The following LRP6 variants were observed in gnomAD, a reference collection of about 807,000 sequenced individuals.
LRP6 encodes low-density lipoprotein receptor-related protein 6.
Under a neutral mutation model 184.1 loss-of-function variants are expected in LRP6, and 43 were observed. The ratio of observed to expected loss-of-function variants is 0.23; its 90% confidence interval spans 0.18 to 0.30. The LOEUF is 0.30. Ranked by LOEUF, LRP6 falls within the 10% of genes least tolerant of loss-of-function variation. The pLI is 1.00. For missense variants in LRP6, 1,571 were observed against 2,005.3 expected (o/e 0.78, Z 4.14); for synonymous variants, 719 against 684.9 (o/e 1.05, Z -0.78).
At chr12:12,185,724 C>T (rs1309548719) in intron 4 of LRP6, among the ~76,000 whole-genome samples, 1 of 151,930 alleles carries the variant, frequency 6.6e-6, no homozygotes, top group Non-Finnish European at 1.5e-5. Flanking sequence ...GGGAGGGGTA[C>T]ACAGAAAAGT....
intron 4 of LRP6, 131 bp downstream of exon 4, chr12:12,186,792 T>C: frequency 2.4e-6 from 2 of 850,082 alleles, no homozygotes; most frequent in Non-Finnish European, 3.9e-6. Context: ...CCAAGTAGGA[T>C]TTTAACTCTT....
chr12:12,157,076 G>A (rs116056268), intron 12 of LRP6, among the ~76,000 whole-genome samples: 285 of 152,366 alleles, frequency 1.9e-3, no homozygotes, highest in African/African-American at 6.7e-3. Flanking sequence ...AAGCCTATGA[G>A]AGAAAGCTGC....
At chr12:12,239,995 A>T (rs1262139370) in intron 2 of LRP6, among the ~76,000 whole-genome samples, 2 of 121,730 alleles carry the variant, frequency 1.6e-5, no homozygotes, top group Non-Finnish European at 3.5e-5. Flanking sequence ...TTAAGATATT[A>T]AAAAAAAAAA....
chr12:12,169,499 G>A (rs117035989), intron 7 of LRP6, among the ~76,000 whole-genome samples: 283 of 152,202 alleles, frequency 1.9e-3, no homozygotes, highest in Middle Eastern at 3.4e-3. Flanking sequence ...AGGGTCTCAG[G>A]AAGAAGAGAG....
Position 12,173,062 on chromosome 12 carries a change from T to C in LRP6, c.1545+6748A>G, listed in dbSNP as rs774113571. ...TTGAATATTAAAGATTTGCAATTACTATGCTCTTTTTCTGTTAGAGCTAAA... is the reference window on the plus strand; with the variant it reads ...TTGAATATTAAAGATTTGCAATTACCATGCTCTTTTTCTGTTAGAGCTAAA... On this transcript the variant is annotated intron_variant, in intron 7 of 22. Coordinates refer to ENST00000261349, the MANE Select transcript of LRP6 (RefSeq NM_002336.3). Among the ~76,000 whole-genome samples, 80 of 152,236 alleles carry C rather than the reference T, an allele frequency of 5.3e-4. 1 individual carries two copies. Among genetic ancestry groups the C allele is most frequent in the Non-Finnish European group, 1.0e-3 (68 of 68,034 alleles).
At chr12:12,129,147 C>T (rs1337647800) in intron 19 of LRP6, among the ~76,000 whole-genome samples, 9 of 152,186 alleles carry the variant, frequency 5.9e-5, no homozygotes, top group Admixed American at 5.2e-4. Context: ...GAGCTCACAT[C>T]TCTGTATTCC....
At chr12:12,246,469 T>C (rs975907147) in intron 1 of LRP6, among the ~76,000 whole-genome samples, 3 of 151,900 alleles carry the variant, frequency 2.0e-5, no homozygotes, top group Middle Eastern at 3.4e-3. Flanking sequence ...TCCCAGCACT[T>C]TGGTTAAGCC....
chr12:12,147,199 GTTGACAGTTGAAGAAAAAGCTC>G (rs1455688094), intron 15 of LRP6, among the ~76,000 whole-genome samples, 145 bp downstream of exon 15: 3 of 152,150 alleles, frequency 2.0e-5, no homozygotes, highest in Non-Finnish European at 4.4e-5. Context: ...GAGTAATCAT[GTTGACAGTTGAAGAAAAAGCTC>G]TTCACCAACC....
chr12:12,168,173 A>G (rs150074177), intron 7 of LRP6, among the ~76,000 whole-genome samples: 221 of 152,318 alleles, frequency 1.5e-3, no homozygotes, highest in African/African-American at 5.1e-3. Flanking sequence ...GCAAACCACC[A>G]TGATAGACCT....
In LRP6 at chr12:12,152,974, A is replaced by C. The variant is rs570525680; in HGVS notation, c.2792-1936T>G. 1.2e-4 allele frequency among the ~76,000 whole-genome samples: 18 copies of C among 152,332 alleles called. No individual in the cohort carries two copies. In the East Asian group the frequency reaches 3.5e-3, roughly 29 times the overall value. On this transcript the variant is annotated intron_variant, in intron 12 of 22. Coordinates refer to ENST00000261349, the MANE Select transcript of LRP6 (RefSeq NM_002336.3). ...CCCACACTCAGCTTGGAAGATTTAGAAAGTTATCCCAATGATCCTACTACA... is the reference window on the plus strand; with the variant it reads ...CCCACACTCAGCTTGGAAGATTTAGCAAGTTATCCCAATGATCCTACTACA...
chr12:12,125,420 C>A lies in LRP6; in HGVS notation c.4325G>T (p.Gly1442Val). The change falls in exon 21 of 23, where the codon GGT becomes GTT. Residue 1442 changes from glycine to valine, a missense_variant. Physicochemically the swap from Gly to Val is moderately radical, Grantham distance 109 (BLOSUM62 -3). Transcript: ENST00000261349. ...LSGSLPGMSR[G>V]KSMISSLSIM... is the part of the protein sequence containing the mutation. The stretch of plus-strand genomic sequence containing the variant: ...ACTGAGGGAGCTGATCATTGATTTA[C>A]CTCGAGACATTCCTAAAATAAAAGG... The A allele has an allele frequency of 6.2e-7, 1 of 1,613,872 alleles. No individual in the cohort carries two copies.
intron 18 of LRP6, among the ~76,000 whole-genome samples, chr12:12,131,208 C>T (rs868459549): frequency 2.7e-5 from 4 of 149,226 alleles, no homozygotes; most frequent in Admixed American, 1.4e-4. Context: ...CCCAGGTTCA[C>T]GCCATTCTCC....
chr12:12,131,530 A>T (rs1949757596), intron 18 of LRP6, among the ~76,000 whole-genome samples: 1 of 152,234 alleles, frequency 6.6e-6, no homozygotes, highest in African/African-American at 2.4e-5. Context: ...GAGCGTAATT[A>T]ATAAATCCAC....
intron 2 of LRP6, among the ~76,000 whole-genome samples, chr12:12,218,383 G>A (rs1864402010): frequency 1.3e-5 from 2 of 151,678 alleles, no homozygotes; most frequent in South Asian, 4.2e-4. Flanking sequence ...AGGCTAAAAT[G>A]GGAGAATCGC....
At chr12:12,159,734 T>C in intron 11 of LRP6, 46 bp downstream of exon 11, 1 of 1,574,986 alleles carries the variant, frequency 6.3e-7, no homozygotes, top group African/African-American at 1.3e-5. Context: ...CACTGATATT[T>C]GCATGGAAAG....
rs779695519 is a variant in LRP6, at chr12:12,125,403, A to G, written c.4342T>C (p.Ser1448Pro). ...GMSRGKSMIS[S>P]LSIMGGSSGP... The stretch of plus-strand genomic sequence containing the variant: ...CTGCTTCCCCCCATGATACTGAGGG[A>G]GCTGATCATTGATTTACCTCGAGAC... The change falls in exon 21 of 23, where the codon TCC (serine) becomes CCC (proline). Residue 1448 changes from serine to proline, a missense_variant. Around this residue, in one of 4 missense-constraint regions of LRP6, gnomAD observed 763 missense variants for 859.5 expected, o/e 0.89. Coordinates refer to ENST00000261349, the MANE Select transcript of LRP6 (RefSeq NM_002336.3). 9.3e-6 allele frequency: 15 copies of G among 1,613,902 alleles called. 1 individual carries two copies. The South Asian group carries it at 9.9e-5, about 11-fold the overall frequency.
At chr12:12,204,489 T>C (rs553035777) in intron 2 of LRP6, among the ~76,000 whole-genome samples, 9 of 152,288 alleles carry the variant, frequency 5.9e-5, no homozygotes, top group Admixed American at 2.0e-4. Flanking sequence ...AATATGCTAA[T>C]TGTATTGTAG....
chr12:12,200,335 A>G (rs989283465), intron 3 of LRP6, among the ~76,000 whole-genome samples: 15 of 152,172 alleles, frequency 9.9e-5, no homozygotes, highest in Non-Finnish European at 1.6e-4. Context: ...CCAGTCATCA[A>G]CAAGCCATGG....
At chr12:12,191,141 G>C (rs1480802127) in intron 3 of LRP6, among the ~76,000 whole-genome samples, 1 of 152,168 alleles carries the variant, frequency 6.6e-6, no homozygotes, top group African/African-American at 2.4e-5. Flanking sequence ...AGGTGTTCTG[G>C]CCACTTCAAG....
Sources: gnomAD v4.1 joint callset for allele counts (sites outside exome capture counted in the v4.1 genomes callset) on GRCh38, gnomAD v4.1.1 for gene constraint, gnomAD v4.1.1 regional missense constraint, MANE v1.5 for transcripts, NCBI Gene and HGNC (gene_info 2026-07-23, HGNC 2026-07-21) for gene names.